The following SLTM variants were observed in gnomAD, a reference collection of about 807,000 sequenced individuals.
SLTM encodes SAFB-like transcription modulator.
A neutral mutation model predicts 134.6 loss-of-function variants in SLTM; 43 were observed. The ratio of observed to expected loss-of-function variants is 0.32; its 90% CI spans 0.25 to 0.41. The LOEUF is 0.41. Ranked by LOEUF, SLTM falls within the 10% of genes least tolerant of loss-of-function variation. The probability of loss-of-function intolerance (pLI) is 1.00; values close to 1 mark genes in which losing one functional copy is unlikely to be tolerated. For missense variants in SLTM, 1,055 were observed against 1,288.8 expected (o/e 0.82, Z 2.78); for synonymous variants, 424 against 432.3 (o/e 0.98, Z 0.24).
chr15:58,904,988 C>T (rs62004799), intron 5 of SLTM, among the ~76,000 whole-genome samples: 12,109 of 151,948 alleles, frequency 0.08, 579 homozygotes, highest in East Asian at 0.18. Context: ...GGATTACAGG[C>T]GTGAGCCACC....
At chr15:58,908,002 C>CGCGTGTGTGTGTGTGT (rs2035984596) in intron 5 of SLTM, among the ~76,000 whole-genome samples, 1 of 139,870 alleles carries the variant, frequency 7.1e-6, no homozygotes, top group Non-Finnish European at 1.5e-5. Flanking sequence ...AAACATGCTG[C>CGCGTGTGTGTGTGTGT]GTGTGTGTGT....
At chr15:58,892,829 T>C (rs773802793) in intron 14 of SLTM, 68 bp downstream of exon 14, 20 of 1,479,952 alleles carry the variant, frequency 1.4e-5, no homozygotes, top group Non-Finnish European at 1.7e-5. Flanking sequence ...TCCAGAAATA[T>C]GGCTTACAAC....
chr15:58,900,233 T>C (rs1179671237), intron 6 of SLTM, among the ~76,000 whole-genome samples: 1 of 152,184 alleles, frequency 6.6e-6, no homozygotes, highest in Non-Finnish European at 1.5e-5. Context: ...TAATGGCATA[T>C]GGAAGATTTT....
chr15:58,887,292 G>C lies in SLTM; in HGVS notation c.2624C>G (p.Pro875Arg), dbSNP rs1205083365. The C allele has an allele frequency of 3.1e-6, 5 of 1,613,928 alleles. No homozygotes were observed. The highest frequency in any genetic ancestry group is 1.7e-5 in the Admixed American group (1 of 59,978). ...CCAGCTGGTGGGTCTGGAAGGATTG[G>C]GCCCTGCCTCTCGAGGATGTCTAGG... ...THPRHPREAG[P>R]NPSRPTSWKS... is the part of the protein sequence containing the mutation. The change falls in exon 18 of 21, where the codon CCC becomes CGC. Residue 875 changes from proline (P) to arginine (R), a missense_variant. Physicochemically the swap from Pro to Arg is moderately radical, Grantham distance 103. Around this residue, in one of 3 missense-constraint regions of SLTM, gnomAD observed 776 missense variants for 962.2 expected, o/e 0.81. Transcript: ENST00000380516.
At chr15:58,913,265 C>T (rs1310809625) in intron 4 of SLTM, among the ~76,000 whole-genome samples, 1 of 151,924 alleles carries the variant, frequency 6.6e-6, no homozygotes, top group Non-Finnish European at 1.5e-5. Context: ...TGTGAAAATA[C>T]AGAATAAATA....
rs184947942 is a variant in SLTM at position 58,905,234 on chromosome 15, G to A, written c.562-3947C>T. Among the ~76,000 whole-genome samples, 8 of 152,312 alleles carry A rather than the reference G, an allele frequency of 5.3e-5. No individual in the cohort carries two copies. In the East Asian group the frequency reaches 7.7e-4, roughly 15 times the overall value. The stretch of plus-strand genomic sequence containing the variant: ...CAATATTTGGAAAGGAAAGAAAAAC[G>A]CTTTAACTTGGGTGGAATGGTAGAC... On this transcript the variant is annotated intron_variant, in intron 5 of 20. Transcript: ENST00000380516.
chr15:58,932,161 C>T, intron 2 of SLTM, 195 bp downstream of exon 2: 1 of 521,164 alleles, frequency 1.9e-6, no homozygotes, highest in Non-Finnish European at 3.5e-6. Context: ...TTCTAATCAG[C>T]TTCAGCCGAA....
intron 5 of SLTM, among the ~76,000 whole-genome samples, chr15:58,908,242 G>A (rs984447072): frequency 2.0e-5 from 3 of 151,296 alleles, no homozygotes; most frequent in African/African-American, 2.4e-5. Flanking sequence ...TGTATTTTTT[G>A]TAGAGATGGG....
chr15:58,908,174 G>A (rs1034098541), intron 5 of SLTM, among the ~76,000 whole-genome samples: 3 of 150,264 alleles, frequency 2.0e-5, no homozygotes, highest in East Asian at 3.9e-4. Flanking sequence ...CTCCCACCTC[G>A]GTCTACCTCC....
intron 5 of SLTM, among the ~76,000 whole-genome samples, chr15:58,904,455 G>C (rs2035725507): frequency 6.6e-6 from 1 of 151,636 alleles, no homozygotes; most frequent in African/African-American, 2.4e-5. Flanking sequence ...CATAAGCTAA[G>C]AAGTAAAATA....
intron 2 of SLTM, among the ~76,000 whole-genome samples, chr15:58,931,304 A>C (rs955337027): frequency 6.6e-6 from 1 of 152,162 alleles, no homozygotes. Flanking sequence ...TTTGGCACAA[A>C]CAGGGGACTC....
chr15:58,894,864 CCTG>C (rs1322002121), intron 9 of SLTM, among the ~76,000 whole-genome samples: 1 of 152,004 alleles, frequency 6.6e-6, no homozygotes, highest in Non-Finnish European at 1.5e-5. Context: ...ACCACCATGC[CCTG>C]CTAAGTTTTG....
Position 58,898,837 on chromosome 15 carries a change from A to C in SLTM, c.1074T>G (p.Ser358=), listed in dbSNP as rs1314647253. The change falls in exon 8 of 21, where the codon TCT becomes TCG. Residue 358 remains serine, a synonymous_variant. Coordinates refer to ENST00000380516, the MANE Select transcript of SLTM (RefSeq NM_024755.4). Reference sequence around the variant, plus strand: ...CTTTAGATGATGTCTTGCTGTCTTTAGATTCCTTTGAAGAGCTAAAGAGGC... The same window carrying C: ...CTTTAGATGATGTCTTGCTGTCTTTCGATTCCTTTGAAGAGCTAAAGAGGC... ...SGQAKSSSKE[S]KDSKTSSKDD... is the part of the protein sequence containing the mutation. 1 of 1,609,586 alleles carries C rather than the reference A, an allele frequency of 6.2e-7. No individual in the cohort carries two copies. The highest frequency in any genetic ancestry group is 8.5e-7 in the Non-Finnish European group (1 of 1,178,352).
At chr15:58,905,319 A>T (rs1483749452) in intron 5 of SLTM, among the ~76,000 whole-genome samples, 2 of 152,238 alleles carry the variant, frequency 1.3e-5, no homozygotes, top group Non-Finnish European at 2.9e-5. Flanking sequence ...TTTCTTTCAC[A>T]TTCTCTTTTA....
intron 14 of SLTM, among the ~76,000 whole-genome samples, 198 bp from the exon 15 acceptor site, chr15:58,890,659 A>G (rs2034578178): frequency 6.6e-6 from 1 of 152,228 alleles, no homozygotes; most frequent in South Asian, 2.1e-4. Context: ...TATAAATAAG[A>G]CTGTCAACTG....
At position 58,894,452 on chromosome 15, in the gene SLTM, T is replaced by A. The variant is rs1334257390; in HGVS notation, c.1358A>T (p.Gln453Leu). The change falls in exon 10 of 21, where the codon CAG (glutamine) becomes CTG (leucine). Residue 453 changes from glutamine to leucine, a missense_variant. By Grantham distance (113) the Gln-to-Leu change is moderately radical. This residue lies in a region of SLTM where 776 missense variants were observed against 962.2 expected (regional missense o/e 0.81). Coordinates refer to ENST00000380516, the MANE Select transcript of SLTM (RefSeq NM_024755.4). The stretch of plus-strand genomic sequence containing the variant: ...GCTTACTTTTTCAACAGAAATCAGC[T>A]GTCCATGCAGCTCAGTGCGATGAAG... ...AHLHRTELHG[Q>L]LISVEKVKGD... is the part of the protein sequence containing the mutation. The A allele has an allele frequency of 8.7e-6, 14 of 1,614,154 alleles. No homozygotes were observed. The highest frequency in any genetic ancestry group is 1.3e-5 in the African/African-American group (1 of 75,048).
At chr15:58,932,679 A>T (rs1429482182) in intron 1 of SLTM, among the ~76,000 whole-genome samples, 1 of 152,234 alleles carries the variant, frequency 6.6e-6, no homozygotes, top group Non-Finnish European at 1.5e-5. Flanking sequence ...TACCGTGTCA[A>T]GATAATTAAA....
intron 14 of SLTM, among the ~76,000 whole-genome samples, chr15:58,892,257 T>C: frequency 6.6e-6 from 1 of 152,178 alleles, no homozygotes; most frequent in Non-Finnish European, 1.5e-5. Flanking sequence ...AAACTGACAC[T>C]CGTGAACTGT....
At chr15:58,887,595 A>C (rs573404728) in intron 17 of SLTM, 55 bp from the exon 18 acceptor site, 338 of 1,537,182 alleles carry the variant, frequency 2.2e-4, no homozygotes, top group Middle Eastern at 7.1e-4. Flanking sequence ...TGAGTGCTTA[A>C]TTCTTCTTAA....
Sources: gnomAD v4.1 joint callset for allele counts (sites outside exome capture counted in the v4.1 genomes callset) on GRCh38, gnomAD v4.1.1 for gene constraint, gnomAD v4.1.1 regional missense constraint, MANE v1.5 for transcripts, NCBI Gene and HGNC (gene_info 2026-07-23, HGNC 2026-07-21) for gene names.